The following ST3GAL3 variants were observed in gnomAD, a reference collection of about 807,000 sequenced individuals.
ST3GAL3 encodes ST3 beta-galactoside alpha-2,3-sialyltransferase 3, also known as CMP-N-acetylneuraminate-beta-1,4-galactoside alpha-2,3-sialyltransferase.
A neutral mutation model predicts 50.1 loss-of-function variants in ST3GAL3; 21 were observed. The observed-to-expected ratio is 0.42, with a 90% CI of 0.30 to 0.60. ST3GAL3 has a LOEUF of 0.60. ST3GAL3 is among the 20% of genes least tolerant of loss of function. The pLI is 0.19. For synonymous variants in ST3GAL3, 183 were observed against 190.0 expected (o/e 0.96, Z 0.30); for missense variants, 353 against 489.4 (o/e 0.72, Z 2.63).
intron 2 of ST3GAL3, among the ~76,000 whole-genome samples, chr1:43,778,318 G>A (rs1161043190): frequency 6.6e-6 from 1 of 152,174 alleles, no homozygotes; most frequent in Non-Finnish European, 1.5e-5. Context: ...TGGATGCTGG[G>A]CTTAATACCT....
At chr1:43,858,758 C>G (rs2069140181) in intron 5 of ST3GAL3, among the ~76,000 whole-genome samples, 1 of 152,146 alleles carries the variant, frequency 6.6e-6, no homozygotes, top group Admixed American at 6.5e-5. Flanking sequence ...TCCTGCTTTC[C>G]CTACTCTGTC....
intron 2 of ST3GAL3, among the ~76,000 whole-genome samples, chr1:43,745,405 T>G (rs1000194698): frequency 6.6e-6 from 1 of 151,716 alleles, no homozygotes; most frequent in African/African-American, 2.4e-5. Context: ...GTAATAAATA[T>G]GAAATGTCAG....
chr1:43,776,005 T>C (rs1697101689), intron 2 of ST3GAL3, among the ~76,000 whole-genome samples: 1 of 152,220 alleles, frequency 6.6e-6, no homozygotes, highest in Non-Finnish European at 1.5e-5. Flanking sequence ...TATTCCTTTT[T>C]CTTCCTTTCT....
At chr1:43,828,790 C>T (rs1040709314) in intron 4 of ST3GAL3, among the ~76,000 whole-genome samples, 8 of 152,112 alleles carry the variant, frequency 5.3e-5, no homozygotes, top group East Asian at 1.9e-4. Context: ...GCAGTAGGAA[C>T]GCTCATTCAC....
intron 9 of ST3GAL3, chr1:43,912,026 G>A (rs531847204): frequency 6.6e-6 from 1 of 152,268 alleles, no homozygotes; most frequent in Non-Finnish European, 1.5e-5. Context: ...TTTTAGACAC[G>A]TGATATGTGT....
At chr1:43,817,081 C>T (rs1011841313) in intron 4 of ST3GAL3, among the ~76,000 whole-genome samples, 1 of 152,194 alleles carries the variant, frequency 6.6e-6, no homozygotes, top group African/African-American at 2.4e-5. Flanking sequence ...TAGGAAAGGA[C>T]CTGAACTTGA....
At chr1:43,903,730 T>A (rs983654812) in intron 9 of ST3GAL3, among the ~76,000 whole-genome samples, 1 of 152,126 alleles carries the variant, frequency 6.6e-6, no homozygotes, top group Non-Finnish European at 1.5e-5. Context: ...GGAGACTGAG[T>A]CCCTGATCTT....
intron 4 of ST3GAL3, among the ~76,000 whole-genome samples, chr1:43,823,888 G>A (rs533386236): frequency 6.6e-6 from 1 of 152,320 alleles, no homozygotes; most frequent in South Asian, 2.1e-4. Context: ...ATGTGATCAA[G>A]CCAGTCTTTG....
At chr1:43,929,807 C>G (rs904780221) in intron 11 of ST3GAL3, among the ~76,000 whole-genome samples, 3 of 152,170 alleles carry the variant, frequency 2.0e-5, no homozygotes, top group African/African-American at 7.2e-5. Context: ...TGCTTCATGA[C>G]AAGAAGTGGC....
intron 4 of ST3GAL3, among the ~76,000 whole-genome samples, chr1:43,832,331 G>T (rs544477930): frequency 6.6e-6 from 1 of 152,312 alleles, no homozygotes; most frequent in South Asian, 2.1e-4. Context: ...GGCCTCCGGA[G>T]CTGAGAAATA....
intron 5 of ST3GAL3, chr1:43,840,748 G>A (rs1008496020): frequency 1.3e-5 from 2 of 152,108 alleles, no homozygotes; most frequent in African/African-American, 2.4e-5. Flanking sequence ...CAAGCTGGCC[G>A]ACGCTTAGGA....
Position 43,920,792 on chromosome 1 carries a change from C to T in ST3GAL3, c.902C>T (p.Thr301Ile). ...NGLMGRGNIP[T>I]LGSVAVTMAL... ...GCCCCCGTCTTCTAGAACATCCCTACCCTTGGCAGTGTGGCAGTGACCATG... is the reference window on the plus strand; with the variant it reads ...GCCCCCGTCTTCTAGAACATCCCTATCCTTGGCAGTGTGGCAGTGACCATG... Residue 301 changes from threonine (T) to isoleucine (I), a missense_variant, in exon 11 of 12, where the codon ACC becomes ATC. Transcript: ENST00000347631. 6.2e-7 allele frequency: 1 copy of T among 1,614,178 alleles called. No homozygotes were observed. Among genetic ancestry groups the T allele is most frequent in the Non-Finnish European group, 8.5e-7 (1 of 1,180,018 alleles).
At position 43,707,583 on chromosome 1, in the gene ST3GAL3, G is replaced by C. The variant is rs1661926218; in HGVS notation, c.-141G>C. 6.6e-6 allele frequency: 1 copy of C among 151,880 alleles called. No homozygotes were observed. Among genetic ancestry groups the C allele is most frequent in the East Asian group, 1.9e-4 (1 of 5,170 alleles). The allele number at this position is 151,880 out of a possible 1,614,324, so 9.4% of individuals were successfully genotyped here. ...GCCCATGCAGCCCAGCGCGTTGTGG[G>C]CTCCCGCCGGGGTCCCCCGCGGCTG... On this transcript the variant is annotated 5_prime_UTR_variant, in exon 1 of 12. Coordinates refer to ENST00000347631, the MANE Select transcript of ST3GAL3 (RefSeq NM_006279.5).
chr1:43,813,934 C>T (rs1019371408), intron 3 of ST3GAL3, among the ~76,000 whole-genome samples: 10 of 143,980 alleles, frequency 6.9e-5, no homozygotes, highest in Non-Finnish European at 1.5e-5. Flanking sequence ...CACACACACA[C>T]TGCAACTATG....
intron 4 of ST3GAL3, among the ~76,000 whole-genome samples, chr1:43,816,631 T>A (rs1263128301): frequency 2.0e-5 from 3 of 152,100 alleles, no homozygotes; most frequent in African/African-American, 7.2e-5. Context: ...CATACTACAG[T>A]ATTTAAACTG....
At chr1:43,925,875 C>T (rs1001945228) in intron 11 of ST3GAL3, among the ~76,000 whole-genome samples, 6 of 152,218 alleles carry the variant, frequency 3.9e-5, no homozygotes, top group Non-Finnish European at 8.8e-5. Context: ...AAGATGAGGG[C>T]TGAGAGGTGG....
Position 43,759,771 on chromosome 1 carries a change from G to A in ST3GAL3, c.118+23391G>A, listed in dbSNP as rs144334654. ...GTCATTATATTTCTCACTGCCACAC[G>A]TGGTAGGAAATAAAATGAAGCCAAT... On this transcript the variant is annotated intron_variant, in intron 2 of 11. Coordinates refer to ENST00000347631, the MANE Select transcript of ST3GAL3 (RefSeq NM_006279.5). Among the ~76,000 whole-genome samples the A allele has an allele frequency of 4.6e-4, 70 of 152,254 alleles. 1 individual carries two copies. The highest frequency in any genetic ancestry group is 1.4e-3 in the African/African-American group (59 of 41,548).
intron 4 of ST3GAL3, among the ~76,000 whole-genome samples, chr1:43,826,508 A>G: frequency 6.6e-6 from 1 of 152,204 alleles, no homozygotes; most frequent in East Asian, 1.9e-4. Flanking sequence ...AAGGGAAAAA[A>G]TGATACCAAA....
intron 5 of ST3GAL3, among the ~76,000 whole-genome samples, chr1:43,849,953 A>G (rs753166557): frequency 7.2e-5 from 11 of 152,336 alleles, no homozygotes; most frequent in South Asian, 4.1e-4. Flanking sequence ...TAGGGAGAGT[A>G]AAACACTAGA....
Sources: allele counts gnomAD v4.1 joint callset (sites outside exome capture counted in the v4.1 genomes callset), GRCh38; gene constraint gnomAD v4.1.1; transcripts MANE v1.5; gene names NCBI Gene and HGNC (gene_info 2026-07-23, HGNC 2026-07-21).